HPSE2: variants seen among roughly 807,000 people sequenced by gnomAD.
HPSE2 encodes the protein heparanase 2 (inactive).
A neutral mutation model predicts 60.5 loss-of-function variants in HPSE2; 38 were observed. That is an observed-to-expected ratio of 0.63 (90% CI 0.48 to 0.82). The LOEUF (loss-of-function observed/expected upper bound fraction) is 0.82, where lower values mean the gene tolerates loss of function less well. Ranked by LOEUF, HPSE2 falls within the 40% of genes least tolerant of loss-of-function variation. The pLI, the probability that HPSE2 is intolerant of heterozygous loss-of-function variation, is 0.00. For missense variants in HPSE2, 713 were observed against 740.4 expected (o/e 0.96, Z 0.43); for synonymous variants, 295 against 293.2 (o/e 1.01, Z -0.06).
intron 6 of HPSE2, among the ~76,000 whole-genome samples, chr10:98,651,146 CCTCA>C (rs1352957088): frequency 6.6e-6 from 1 of 152,192 alleles, no homozygotes. Flanking sequence ...GGAAATCTTA[CCTCA>C]CTATGATTCT....
intron 2 of HPSE2, among the ~76,000 whole-genome samples, chr10:99,224,981 G>T (rs1849426509): frequency 6.6e-6 from 1 of 152,018 alleles, no homozygotes; most frequent in Non-Finnish European, 1.5e-5. Flanking sequence ...ACTAGACATG[G>T]TGACTAAATC....
At chr10:99,313,341 T>C in the HPSE2 span, among the ~76,000 whole-genome samples, 2 of 152,032 alleles carry the variant, frequency 1.3e-5, no homozygotes, top group Admixed American at 1.3e-4. Context: ...ACTGCATATG[T>C]GGTGGGAATA....
At chr10:98,537,445 A>G (rs1472981798) in intron 9 of HPSE2, among the ~76,000 whole-genome samples, 1 of 152,246 alleles carries the variant, frequency 6.6e-6, no homozygotes, top group African/African-American at 2.4e-5. Flanking sequence ...CATAATACAA[A>G]TTAGATATAG....
chr10:98,779,794 C>T (rs1442511628), intron 3 of HPSE2, among the ~76,000 whole-genome samples: 2 of 151,976 alleles, frequency 1.3e-5, no homozygotes, highest in Non-Finnish European at 2.9e-5. Flanking sequence ...TTTCTAAAAG[C>T]TCACAAACTA....
chr10:98,754,294 T>A (rs1386078671), intron 3 of HPSE2, among the ~76,000 whole-genome samples: 1 of 151,752 alleles, frequency 6.6e-6, no homozygotes, highest in African/African-American at 2.4e-5. Flanking sequence ...ATCAAGTCAA[T>A]CAGACAAACA....
chr10:99,010,765 A>T (rs539206215), intron 3 of HPSE2, among the ~76,000 whole-genome samples: 1 of 152,162 alleles, frequency 6.6e-6, no homozygotes, highest in Non-Finnish European at 1.5e-5. Flanking sequence ...ATAAAATATT[A>T]GTCAAATACT....
the HPSE2 span, among the ~76,000 whole-genome samples, chr10:99,306,013 A>ACACACACACACACC: frequency 2.7e-5 from 4 of 148,964 alleles, no homozygotes; most frequent in Admixed American, 1.3e-4. Flanking sequence ...ACACACACAC[A>ACACACACACACACC]CCAGACTGCT....
intron 5 of HPSE2, among the ~76,000 whole-genome samples, chr10:98,701,602 G>A (rs930136996): frequency 2.5e-4 from 38 of 151,198 alleles, no homozygotes; most frequent in Non-Finnish European, 5.2e-4. Flanking sequence ...TAACTAACCT[G>A]CACATTGTGC....
At chr10:99,170,188 A>G (rs1002819350) in intron 2 of HPSE2, among the ~76,000 whole-genome samples, 3 of 152,182 alleles carry the variant, frequency 2.0e-5, no homozygotes, top group Non-Finnish European at 4.4e-5. Flanking sequence ...TGTACCAAGG[A>G]AAGATTAGAC....
chr10:99,118,523 CAA>C (rs34901531), intron 3 of HPSE2, among the ~76,000 whole-genome samples: 60 of 102,254 alleles, frequency 5.9e-4, no homozygotes, highest in African/African-American at 2.1e-3. Context: ...ACTCCTTCTC[CAA>C]AAAAAAAAAA....
In HPSE2 at chr10:98,790,648, A is replaced by G. The variant is rs190118077; in HGVS notation, c.611-46592T>C. On this transcript the variant is annotated intron_variant, in intron 3 of 11. Coordinates refer to ENST00000370552, the MANE Select transcript of HPSE2 (RefSeq NM_021828.5). ...AGAATAGATTAATGTTCTCACCACAAAAAAATCATAAGTTGATGAGGTGAT... is the reference window on the plus strand; with the variant it reads ...AGAATAGATTAATGTTCTCACCACAGAAAAATCATAAGTTGATGAGGTGAT... Among the ~76,000 whole-genome samples the G allele has an allele frequency of 8.7e-4, 132 of 152,156 alleles. 2 individuals are homozygous for G. The East Asian group carries it at 0.021, about 24-fold the overall frequency.
intron 6 of HPSE2, among the ~76,000 whole-genome samples, chr10:98,651,928 T>C (rs1946928190): frequency 6.6e-6 from 1 of 151,946 alleles, no homozygotes; most frequent in Non-Finnish European, 1.5e-5. Flanking sequence ...CCTGCAACCA[T>C]GCCTGGCCGA....
chr10:99,092,415 G>T (rs2135600378), intron 3 of HPSE2, among the ~76,000 whole-genome samples: 1 of 152,216 alleles, frequency 6.6e-6, no homozygotes, highest in East Asian at 1.9e-4. Flanking sequence ...GTAAACTGTG[G>T]TCTAATGTGT....
intron 9 of HPSE2, among the ~76,000 whole-genome samples, chr10:98,588,961 T>C (rs1405031487): frequency 6.6e-6 from 1 of 152,040 alleles, no homozygotes; most frequent in Non-Finnish European, 1.5e-5. Flanking sequence ...GGAAAGTTGA[T>C]TTTTGTTGTT....
At chr10:98,696,989 C>G (rs1429172810) in intron 5 of HPSE2, among the ~76,000 whole-genome samples, 2 of 152,114 alleles carry the variant, frequency 1.3e-5, no homozygotes, top group African/African-American at 4.8e-5. Context: ...AAACCCCATC[C>G]AAGGGTCAGC....
At chr10:99,265,775 C>T in the HPSE2 span, among the ~76,000 whole-genome samples, 1 of 152,264 alleles carries the variant, frequency 6.6e-6, no homozygotes, top group South Asian at 2.1e-4. Flanking sequence ...GTGGATTGCT[C>T]CTGCAGGCCC....
At chr10:98,616,989 G>A (rs1216404326) in intron 8 of HPSE2, among the ~76,000 whole-genome samples, 2 of 152,156 alleles carry the variant, frequency 1.3e-5, no homozygotes, top group Non-Finnish European at 1.5e-5. Flanking sequence ...CCTAAGTAGT[G>A]TTCTTTCTGT....
intron 3 of HPSE2, among the ~76,000 whole-genome samples, chr10:99,094,465 CATG>C (rs1237460601): frequency 2.9e-5 from 4 of 136,308 alleles, no homozygotes; most frequent in East Asian, 2.2e-4. Context: ...ACTGAGAAGT[CATG>C]ATGTCATGAA....
intron 2 of HPSE2, among the ~76,000 whole-genome samples, chr10:99,150,915 G>A (rs1395624631): frequency 6.6e-6 from 1 of 151,974 alleles, no homozygotes; most frequent in Admixed American, 6.6e-5. Flanking sequence ...AAAACATTAA[G>A]GGTCCAAAAT....
Sources: gnomAD v4.1 joint callset for allele counts (sites outside exome capture counted in the v4.1 genomes callset) on GRCh38, gnomAD v4.1.1 for gene constraint, MANE v1.5 for transcripts, NCBI Gene and HGNC (gene_info 2026-07-23, HGNC 2026-07-21) for gene names.